CDH23: variants seen among roughly 807,000 people sequenced by gnomAD.
CDH23 encodes the protein cadherin-23.
A neutral mutation model predicts 317.1 loss-of-function variants in CDH23; 189 were observed. That is an observed-to-expected ratio of 0.60 (90% CI 0.53 to 0.67). The LOEUF (loss-of-function observed/expected upper bound fraction) is 0.67, where lower values mean the gene tolerates loss of function less well. CDH23 is among the 30% of genes least tolerant of loss of function. The pLI is 0.00. For missense variants in CDH23, 4,401 were observed against 4,592.4 expected (o/e 0.96, Z 1.20); for synonymous variants, 1,839 against 1,876.8 (o/e 0.98, Z 0.52).
intron 38 of CDH23, chr10:71,749,077 G>A (rs896444840): frequency 6.6e-6 from 1 of 152,322 alleles, no homozygotes; most frequent in Admixed American, 6.5e-5. Flanking sequence ...CAGGCCTGGG[G>A]TCTGGCAGCC....
intron 6 of CDH23, among the ~76,000 whole-genome samples, chr10:71,540,797 A>G (rs1818640640): frequency 1.3e-5 from 2 of 152,014 alleles, no homozygotes. Flanking sequence ...GCAGGCCCTG[A>G]TGGGAGGGCT....
intron 11 of CDH23, among the ~76,000 whole-genome samples, chr10:71,634,133 C>T (rs918607263): frequency 6.6e-6 from 1 of 152,250 alleles, no homozygotes; most frequent in Admixed American, 6.5e-5. Flanking sequence ...CTGCTCCCTG[C>T]CTGGAGGCCT....
At position 71,809,849 on chromosome 10, in the gene CDH23, G is replaced by A. The variant is rs1384216920; in HGVS notation, c.8752G>A (p.Asp2918Asn). 2.5e-6 allele frequency: 4 copies of A among 1,613,072 alleles called. No individual in the cohort carries two copies. Among genetic ancestry groups the A allele is most frequent in the Non-Finnish European group, 3.4e-6 (4 of 1,179,864 alleles). Reference protein sequence around the residue: ...GSMDGILRTFDLFMAYSPGYF... With the variant: ...GSMDGILRTFNLFMAYSPGYF... ...CATGGACGGCATTCTGCGCACCTTC[G>A]ACCTCTTCATGGCCTACAGCCCCGG... The change falls in exon 61 of 70, where the codon GAC becomes AAC. Residue 2918 changes from aspartate (D) to asparagine (N), a missense_variant. Transcript: ENST00000224721.
At chr10:71,532,397 A>G (rs1016816093) in intron 6 of CDH23, among the ~76,000 whole-genome samples, 5 of 152,220 alleles carry the variant, frequency 3.3e-5, no homozygotes, top group African/African-American at 1.2e-4. Context: ...GGAGAGTCCA[A>G]TCAGGGTAAT....
At chr10:71,775,038 A>G (rs576589322) in intron 38 of CDH23, among the ~76,000 whole-genome samples, 4 of 152,300 alleles carry the variant, frequency 2.6e-5, no homozygotes, top group Admixed American at 2.6e-4. Flanking sequence ...ACTCCCCAGG[A>G]TGGGAGCCCC....
rs552231188 is a variant in CDH23 at position 71,802,803 on chromosome 10, T to C, written c.7483-95T>C. On this transcript the variant is annotated intron_variant, in intron 53 of 69. Transcript: ENST00000224721. ...TACCTCCCTCCCAGGCTGGTGCCTG[T>C]CCTTCCTCTATCCAGGCTTACTCCT... is the stretch of plus-strand genomic sequence containing the variant. 1.8e-5 allele frequency: 24 copies of C among 1,335,578 alleles called. No individual in the cohort carries two copies. The African/African-American group carries it at 2.5e-4, about 14-fold the overall frequency. 82.7% of individuals were successfully genotyped at this position (1,335,578 alleles called of 1,614,324 possible).
At chr10:71,539,166 C>T (rs1855859067) in intron 6 of CDH23, among the ~76,000 whole-genome samples, 1 of 152,218 alleles carries the variant, frequency 6.6e-6, no homozygotes, top group Non-Finnish European at 1.5e-5. Context: ...CTCCAGAGGG[C>T]AGACACCTGG....
intron 47 of CDH23, among the ~76,000 whole-genome samples, chr10:71,792,474 C>A (rs1841277763): frequency 6.6e-6 from 1 of 151,946 alleles, no homozygotes; most frequent in Non-Finnish European, 1.5e-5. Context: ...TAATTTAAAC[C>A]TTGTTACATC....
At chr10:71,773,524 T>A in intron 38 of CDH23, 1 of 1,323,808 alleles carries the variant, frequency 7.6e-7, no homozygotes, top group Non-Finnish European at 1.0e-6. Context: ...CGCGACTGAG[T>A]GCGAGCGAGT....
chr10:71,625,831 G>C (rs1425298532), intron 11 of CDH23, among the ~76,000 whole-genome samples: 1 of 152,130 alleles, frequency 6.6e-6, no homozygotes, highest in Non-Finnish European at 1.5e-5. Context: ...GGCATCCATG[G>C]CCCTGGGTGG....
intron 14 of CDH23, among the ~76,000 whole-genome samples, chr10:71,652,005 C>A (rs1356273687): frequency 6.6e-6 from 1 of 152,204 alleles, no homozygotes; most frequent in Non-Finnish European, 1.5e-5. Flanking sequence ...ATCCCTGCTG[C>A]AGGGGGTGGG....
At chr10:71,465,046 C>T (rs1158156959) in intron 3 of CDH23, among the ~76,000 whole-genome samples, 1 of 152,186 alleles carries the variant, frequency 6.6e-6, no homozygotes, top group Non-Finnish European at 1.5e-5. Flanking sequence ...TTCAGGCATG[C>T]AGAAAAGTCT....
intron 6 of CDH23, among the ~76,000 whole-genome samples, chr10:71,528,135 C>A (rs1458720678): frequency 3.9e-5 from 6 of 152,184 alleles, no homozygotes; most frequent in African/African-American, 1.4e-4. Flanking sequence ...CGTGGCCTGG[C>A]TGAATAATGC....
intron 6 of CDH23, among the ~76,000 whole-genome samples, chr10:71,548,802 C>A (rs1856428802): frequency 1.3e-5 from 2 of 152,210 alleles, no homozygotes; most frequent in African/African-American, 2.4e-5. Context: ...CATGAAGAAG[C>A]CACTGGCTTT....
At chr10:71,808,359 C>T (rs1384864955) in intron 60 of CDH23, among the ~76,000 whole-genome samples, 1 of 152,192 alleles carries the variant, frequency 6.6e-6, no homozygotes, top group Non-Finnish European at 1.5e-5. Context: ...TCTGTCTCTT[C>T]CATCCATCCT....
chr10:71,502,648 G>T (rs936580665), intron 3 of CDH23, among the ~76,000 whole-genome samples: 2 of 152,200 alleles, frequency 1.3e-5, no homozygotes, highest in Non-Finnish European at 2.9e-5. Flanking sequence ...GGGTGCAGAG[G>T]GAAATGTGCA....
intron 9 of CDH23, among the ~76,000 whole-genome samples, chr10:71,592,530 T>C (rs1385664167): frequency 6.6e-6 from 1 of 152,124 alleles, no homozygotes; most frequent in Non-Finnish European, 1.5e-5. Context: ...CCAGCATCAC[T>C]TGGCTTGTGA....
intron 22 of CDH23, among the ~76,000 whole-genome samples, chr10:71,700,826 C>T (rs1170812041): frequency 6.6e-6 from 1 of 152,208 alleles, no homozygotes; most frequent in Non-Finnish European, 1.5e-5. Context: ...TGGGAGTTCT[C>T]AGCCAGGGCA....
At chr10:71,562,798 G>A (rs757283942) in intron 6 of CDH23, among the ~76,000 whole-genome samples, 51 of 152,330 alleles carry the variant, frequency 3.3e-4, no homozygotes, top group Admixed American at 2.0e-3. Flanking sequence ...GCTCTGCTCC[G>A]CTCACTGCAG....
Sources: allele counts gnomAD v4.1 joint callset (sites outside exome capture counted in the v4.1 genomes callset), GRCh38; gene constraint gnomAD v4.1.1; transcripts MANE v1.5; gene names NCBI Gene and HGNC (gene_info 2026-07-23, HGNC 2026-07-21).